The following GRIK2 variants were observed in gnomAD, a reference collection of about 807,000 sequenced individuals.
GRIK2 encodes the protein glutamate receptor ionotropic, kainate 2.
In GRIK2, 32 loss-of-function variants were observed where a neutral mutation model predicts 100.3. That is an observed-to-expected ratio of 0.32 (90% CI 0.24 to 0.43). The LOEUF is 0.43. Ranked by LOEUF, GRIK2 falls within the 20% of genes least tolerant of loss-of-function variation. GRIK2 has a pLI of 1.00. For missense variants in GRIK2, 843 were observed against 1,114.9 expected, an observed-to-expected ratio of 0.76 and a Z score of 3.47; for synonymous variants, 417 against 389.4, an observed-to-expected ratio of 1.07 and a Z score of -0.83.
chr6:101,693,005 T>C (rs1772217995), intron 7 of GRIK2, among the ~76,000 whole-genome samples: 1 of 152,108 alleles, frequency 6.6e-6, no homozygotes, highest in African/African-American at 2.4e-5. Flanking sequence ...TCTTCTAAGA[T>C]GCACTAAGCT....
intron 14 of GRIK2, among the ~76,000 whole-genome samples, chr6:101,948,423 C>T (rs561337060): frequency 8.2e-5 from 12 of 145,492 alleles, no homozygotes; most frequent in East Asian, 4.0e-4. Context: ...GCCATTTTAA[C>T]GTGTGATCAG....
At chr6:101,842,959 C>A (rs192154010) in intron 10 of GRIK2, among the ~76,000 whole-genome samples, 53 of 152,224 alleles carry the variant, frequency 3.5e-4, no homozygotes, top group Admixed American at 7.2e-4. Flanking sequence ...CACCAGAGGG[C>A]CTCCAAACAA....
At chr6:101,895,720 AC>A (rs560623680) in intron 12 of GRIK2, among the ~76,000 whole-genome samples, 70 of 151,908 alleles carry the variant, frequency 4.6e-4, no homozygotes, top group South Asian at 2.3e-3. Context: ...ACCAAAAAAA[AC>A]GATTTCAATT....
intron 2 of GRIK2, among the ~76,000 whole-genome samples, chr6:101,431,948 C>T (rs946122052): frequency 1.3e-5 from 2 of 152,136 alleles, no homozygotes; most frequent in African/African-American, 4.8e-5. Flanking sequence ...CCCAACAAAA[C>T]ATTATGCCTC....
intron 12 of GRIK2, among the ~76,000 whole-genome samples, chr6:101,899,373 C>T (rs1275205942): frequency 1.3e-5 from 2 of 151,740 alleles, no homozygotes; most frequent in South Asian, 2.1e-4. Flanking sequence ...TTTGGAAGCC[C>T]AGAAATTCAC....
intron 7 of GRIK2, among the ~76,000 whole-genome samples, chr6:101,757,356 A>C (rs545085692): frequency 6.6e-6 from 1 of 152,316 alleles, no homozygotes; most frequent in South Asian, 2.1e-4. Flanking sequence ...AAAACAATAT[A>C]GTAAGGAAGA....
intron 10 of GRIK2, among the ~76,000 whole-genome samples, chr6:101,840,050 G>A (rs1783398653): frequency 2.6e-5 from 4 of 152,074 alleles, no homozygotes; most frequent in South Asian, 2.1e-4. Context: ...GAGCACATAC[G>A]TGTTTCAGTA....
chr6:101,598,888 A>C (rs72961156), intron 2 of GRIK2, among the ~76,000 whole-genome samples: 13,374 of 151,614 alleles, frequency 0.088, 707 homozygotes, highest in Admixed American at 0.15. Context: ...ACTATTTTTC[A>C]ACATTAAATT....
chr6:101,807,719 A>G (rs1781093319), intron 9 of GRIK2, among the ~76,000 whole-genome samples: 1 of 151,840 alleles, frequency 6.6e-6, no homozygotes, highest in Non-Finnish European at 1.5e-5. Flanking sequence ...GGAGGGTGGC[A>G]AAAAATTGGG....
At chr6:101,505,918 A>T (rs1000033262) in intron 2 of GRIK2, among the ~76,000 whole-genome samples, 2 of 152,276 alleles carry the variant, frequency 1.3e-5, no homozygotes, top group Admixed American at 1.3e-4. Flanking sequence ...ATCTTAAAAC[A>T]TGCAAAAAGG....
At chr6:101,821,356 T>G (rs1781937022) in intron 10 of GRIK2, among the ~76,000 whole-genome samples, 1 of 152,192 alleles carries the variant, frequency 6.6e-6, no homozygotes, top group South Asian at 2.1e-4. Flanking sequence ...ATAAATACAC[T>G]AATGCCTAAA....
At chr6:101,724,865 G>A (rs1369535818) in intron 7 of GRIK2, among the ~76,000 whole-genome samples, 1 of 151,942 alleles carries the variant, frequency 6.6e-6, no homozygotes, top group East Asian at 1.9e-4. Flanking sequence ...GAAATGATGA[G>A]CATTTTCCAT....
intron 4 of GRIK2, among the ~76,000 whole-genome samples, chr6:101,643,079 C>G (rs928397222): frequency 2.6e-5 from 4 of 151,410 alleles, no homozygotes; most frequent in Admixed American, 1.3e-4. Flanking sequence ...CTGTTTGATT[C>G]ATTGGTTGTT....
At chr6:101,889,190 G>A (rs1488909523) in intron 11 of GRIK2, among the ~76,000 whole-genome samples, 2 of 151,904 alleles carry the variant, frequency 1.3e-5, no homozygotes, top group Non-Finnish European at 2.9e-5. Flanking sequence ...AATCAGAAAT[G>A]TCTGTTAATT....
intron 14 of GRIK2, among the ~76,000 whole-genome samples, chr6:102,012,529 G>A (rs2114321984): frequency 6.6e-6 from 1 of 152,184 alleles, no homozygotes; most frequent in South Asian, 2.1e-4. Context: ...TCATTCATCA[G>A]AGTATTATAC....
At chr6:102,065,779 T>C (rs1235942520) in intron 16 of GRIK2, 61 of 1,479,984 alleles carry the variant, frequency 4.1e-5, no homozygotes, top group Non-Finnish European at 4.9e-5. Flanking sequence ...TTAATTCTTC[T>C]GTTAAATGTT....
At chr6:101,699,708 A>G (rs1485529362) in intron 7 of GRIK2, among the ~76,000 whole-genome samples, 1 of 152,158 alleles carries the variant, frequency 6.6e-6, no homozygotes, top group Non-Finnish European at 1.5e-5. Flanking sequence ...CTATAAATCC[A>G]TGTATATAGT....
At chr6:101,892,521 G>GT (rs530210727) in intron 12 of GRIK2, among the ~76,000 whole-genome samples, 60 of 148,498 alleles carry the variant, frequency 4.0e-4, no homozygotes, top group South Asian at 6.4e-4. Flanking sequence ...TAATGTACCA[G>GT]TTTTTTTTTT....
intron 2 of GRIK2, among the ~76,000 whole-genome samples, chr6:101,595,183 C>G (rs563482744): frequency 6.6e-6 from 1 of 151,002 alleles, no homozygotes; most frequent in East Asian, 2.0e-4. Flanking sequence ...AGGAAGAAGG[C>G]AAGAAATGGA....
Sources: gnomAD v4.1 joint callset for allele counts (sites outside exome capture counted in the v4.1 genomes callset) on GRCh38, gnomAD v4.1.1 for gene constraint, MANE v1.5 for transcripts, NCBI Gene and HGNC (gene_info 2026-07-23, HGNC 2026-07-21) for gene names.